The following BICDL1 variants were observed in gnomAD, a reference collection of about 807,000 sequenced individuals.
BICDL1 encodes BICD family-like cargo adapter 1.
A neutral mutation model predicts 76.8 loss-of-function variants in BICDL1; 20 were observed. The observed-to-expected ratio is 0.26, with a 90% CI of 0.18 to 0.38. The LOEUF is 0.38. Ranked by LOEUF, BICDL1 falls within the 10% of genes least tolerant of loss-of-function variation. BICDL1 has a pLI of 1.00. For synonymous variants in BICDL1, 383 were observed against 337.1 expected (o/e 1.14, Z -1.49); for missense variants, 700 against 798.6 (o/e 0.88, Z 1.49).
At chr12:119,996,734 T>G (rs1951655642) in intron 1 of BICDL1, among the ~76,000 whole-genome samples, 1 of 152,152 alleles carries the variant, frequency 6.6e-6, no homozygotes, top group South Asian at 2.1e-4. Context: ...AGTCTATTCC[T>G]AACTGCATCA....
At chr12:120,086,040 T>A (rs930842061) in intron 8 of BICDL1, among the ~76,000 whole-genome samples, 5 of 150,672 alleles carry the variant, frequency 3.3e-5, no homozygotes, top group Admixed American at 2.0e-4. Flanking sequence ...CTCTGCCACC[T>A]GGGTGAGCAA....
intron 2 of BICDL1, among the ~76,000 whole-genome samples, chr12:120,038,242 G>T (rs200953284): frequency 2.3e-4 from 35 of 152,164 alleles, no homozygotes. Flanking sequence ...TTCAGTTTGC[G>T]CAAAGGGCTA....
At chr12:119,994,868 C>T (rs889221289) in intron 1 of BICDL1, among the ~76,000 whole-genome samples, 1 of 152,188 alleles carries the variant, frequency 6.6e-6, no homozygotes, top group East Asian at 1.9e-4. Flanking sequence ...ATACCCTGCA[C>T]CCAGCTTCCT....
At chr12:120,022,450 TTTTATATATTATATA>T (rs1952203884) in intron 2 of BICDL1, among the ~76,000 whole-genome samples, 1 of 147,146 alleles carries the variant, frequency 6.8e-6, no homozygotes, top group Non-Finnish European at 1.5e-5. Flanking sequence ...AATATATGTA[TTTTATATATTATATA>T]TTTATATATA....
intron 8 of BICDL1, among the ~76,000 whole-genome samples, chr12:120,088,477 C>T (rs1428552740): frequency 1.3e-5 from 2 of 151,848 alleles, no homozygotes; most frequent in African/African-American, 2.4e-5. Context: ...CTGCCTCAGC[C>T]TCCCGAGTAG....
chr12:119,990,486 C>T (rs1951496731), intron 1 of BICDL1, among the ~76,000 whole-genome samples, 189 bp downstream of exon 1: 1 of 152,214 alleles, frequency 6.6e-6, no homozygotes, highest in Non-Finnish European at 1.5e-5. Context: ...TTCCCCACCC[C>T]GCTCACAGCA....
chr12:120,039,090 A>G (rs367621830), intron 2 of BICDL1, among the ~76,000 whole-genome samples: 7 of 151,936 alleles, frequency 4.6e-5, no homozygotes, highest in African/African-American at 1.7e-4. Context: ...TGAGGTCAGG[A>G]GTTTGAGACC....
chr12:120,014,971 A>G (rs1229624409), intron 2 of BICDL1, among the ~76,000 whole-genome samples: 1 of 152,232 alleles, frequency 6.6e-6, no homozygotes, highest in Non-Finnish European at 1.5e-5. Context: ...AGTCTGCTAA[A>G]GTTATAGGTT....
intron 1 of BICDL1, chr12:119,992,841 A>T (rs1056744226): frequency 2.8e-4 from 42 of 152,338 alleles, no homozygotes; most frequent in African/African-American, 1.0e-3. Flanking sequence ...GGTGGTTTGA[A>T]AGAGAAACAT....
intron 1 of BICDL1, among the ~76,000 whole-genome samples, chr12:119,995,580 C>T (rs1298054562): frequency 6.6e-6 from 1 of 152,220 alleles, no homozygotes; most frequent in African/African-American, 2.4e-5. Context: ...CCATTGCCTT[C>T]TGCTGAATCT....
At chr12:120,009,671 T>C (rs1340907554) in intron 2 of BICDL1, among the ~76,000 whole-genome samples, 1 of 152,206 alleles carries the variant, frequency 6.6e-6, no homozygotes, top group Admixed American at 6.5e-5. Flanking sequence ...GTAGGAAGAT[T>C]GCAGATGGTA....
At chr12:120,024,739 G>A (rs1952254469) in intron 2 of BICDL1, among the ~76,000 whole-genome samples, 1 of 152,036 alleles carries the variant, frequency 6.6e-6, no homozygotes, top group Non-Finnish European at 1.5e-5. Flanking sequence ...CCAGGGTGGA[G>A]TGCAGTGGCA....
intron 2 of BICDL1, among the ~76,000 whole-genome samples, chr12:120,058,080 G>T (rs113522755): frequency 0.016 from 2,390 of 151,934 alleles, 28 homozygotes; most frequent in South Asian, 0.024. Context: ...CGATCCACCC[G>T]CCTCGGCCTC....
At chr12:120,032,745 A>T (rs1454670770) in intron 2 of BICDL1, among the ~76,000 whole-genome samples, 4 of 124,482 alleles carry the variant, frequency 3.2e-5, no homozygotes, top group African/African-American at 1.3e-4. Flanking sequence ...TACATCTATA[A>T]TTTTTTTTTT....
At chr12:120,057,396 C>T (rs1013763021) in intron 2 of BICDL1, among the ~76,000 whole-genome samples, 8 of 152,202 alleles carry the variant, frequency 5.3e-5, no homozygotes, top group African/African-American at 1.9e-4. Flanking sequence ...CTGGCTAACT[C>T]TCCCACTTCT....
chr12:120,030,077 G>A (rs189173844), intron 2 of BICDL1, among the ~76,000 whole-genome samples: 32 of 152,312 alleles, frequency 2.1e-4, no homozygotes, highest in African/African-American at 7.0e-4. Context: ...GTTGATAGAT[G>A]TATACATTGC....
rs538338698 is a variant in BICDL1 at position 120,013,139 on chromosome 12, C to T, written c.645+14403C>T. On this transcript the variant is annotated intron_variant, in intron 2 of 9. Transcript: ENST00000548673. ...CAGCCTGGCCAACATGGCGAAACCC[C>T]GTCTCTACTAAAAATACAAAAAAAA... Among the ~76,000 whole-genome samples, 6 of 152,010 alleles carry T rather than the reference C, an allele frequency of 3.9e-5. No homozygotes were observed. In the South Asian group the frequency reaches 8.3e-4, roughly 21 times the overall value.
chr12:120,075,387 CT>C (rs1188921444), intron 7 of BICDL1, among the ~76,000 whole-genome samples: 256 of 142,420 alleles, frequency 1.8e-3, no homozygotes, highest in Admixed American at 1.9e-3. Flanking sequence ...AGTATTTCCT[CT>C]TTTTTTTTTT....
At chr12:120,045,917 T>TATAATAATAATA (rs72097325) in intron 2 of BICDL1, among the ~76,000 whole-genome samples, 1,670 of 137,680 alleles carry the variant, frequency 0.012, 16 homozygotes, top group African/African-American at 0.038. Flanking sequence ...CTTAAAGTAT[T>TATAATAATAATA]ATAATAATAA....
Sources: allele counts gnomAD v4.1 joint callset (sites outside exome capture counted in the v4.1 genomes callset), GRCh38; gene constraint gnomAD v4.1.1; transcripts MANE v1.5; gene names NCBI Gene and HGNC (gene_info 2026-07-23, HGNC 2026-07-21).